The following CFAP57 variants were observed in gnomAD, a reference collection of about 807,000 sequenced individuals.
CFAP57 encodes cilia and flagella associated protein 57, also known as cilia- and flagella-associated protein 57.
CFAP57 carries 116 observed loss-of-function variants against 146.8 expected under a neutral mutation model. The ratio of observed to expected loss-of-function variants is 0.79; its 90% CI spans 0.68 to 0.92. CFAP57 has a LOEUF of 0.92. CFAP57 is among the 40% of genes least tolerant of loss of function. CFAP57 has a pLI of 0.00. For synonymous variants in CFAP57, 518 were observed against 552.8 expected, an observed-to-expected ratio of 0.94 and a Z score of 0.88; for missense variants, 1,377 against 1,527.2, an observed-to-expected ratio of 0.90 and a Z score of 1.64.
chr1:43,228,481 C>G (rs1645343052), intron 18 of CFAP57, among the ~76,000 whole-genome samples: 1 of 129,808 alleles, frequency 7.7e-6, no homozygotes, highest in Non-Finnish European at 1.6e-5. Flanking sequence ...GATGACCCAA[C>G]TAGAAGTGCC....
intron 17 of CFAP57, 23 bp from the exon 18 acceptor site, chr1:43,226,960 C>T (rs1241296791): frequency 1.3e-6 from 2 of 1,482,164 alleles, no homozygotes; most frequent in Non-Finnish European, 1.8e-6. Context: ...ATATCTCTCA[C>T]TTCTCTCTCA....
chr1:43,215,517 A>G lies in CFAP57; in HGVS notation c.2091+101A>G, dbSNP rs140679165. ...GCCCTCTACAGCCTGGCTACACCCTATGCCCAGTGCAGACCCCCACGGCTC... is the reference window on the plus strand; with the variant it reads ...GCCCTCTACAGCCTGGCTACACCCTGTGCCCAGTGCAGACCCCCACGGCTC... On this transcript the variant is annotated intron_variant, in intron 12 of 22. Transcript: ENST00000372492. 1,655 of 1,393,200 alleles carry G rather than the reference A, an allele frequency of 1.2e-3. 7 individuals are homozygous for G. The African/African-American group carries it at 0.021, about 17-fold the overall frequency. The allele number at this position is 1,393,200 out of a possible 1,614,324, so 86.3% of individuals were successfully genotyped here.
At chr1:43,232,239 T>C (rs144855219) in intron 18 of CFAP57, 4 of 597,058 alleles carry the variant, frequency 6.7e-6, no homozygotes, top group Admixed American at 2.8e-5. Context: ...ATCAGCATGG[T>C]TGAAGGAAAG....
In CFAP57 at chr1:43,232,568, G is replaced by A. The variant is rs1360925259; in HGVS notation, c.3070G>A (p.Glu1024Lys). 11 of 1,549,676 alleles carry A rather than the reference G, an allele frequency of 7.1e-6. No individual in the cohort carries two copies. In the Middle Eastern group the frequency reaches 5.0e-4, roughly 70 times the overall value. Residue 1024 changes from glutamate to lysine, a missense_variant, in exon 19 of 23, where the codon GAA becomes AAA. Physicochemically the swap from Glu to Lys is moderately conservative, Grantham distance 56. Transcript: ENST00000372492. The stretch of plus-strand genomic sequence containing the variant: ...CACTCAACTGGAGCTGAACATCACA[G>A]AATTGTGGCAGAAACTGAGAGCCAC... The part of the protein sequence containing the change: ...QNTQLELNIT[E>K]LWQKLRATDQ...
intron 9 of CFAP57, among the ~76,000 whole-genome samples, chr1:43,200,955 G>A (rs1292116596): frequency 3.3e-5 from 5 of 152,314 alleles, no homozygotes; most frequent in African/African-American, 9.6e-5. Flanking sequence ...GTGATGGAGA[G>A]CAGTTAGGAT....
At position 43,243,336 on chromosome 1, in the gene CFAP57, G is replaced by T; in HGVS notation, c.3515G>T (p.Arg1172Leu). ...GCTCTGAAACTGACCAAGAAAGTCC[G>T]ACCACAAGAAGTTTCAGAGACAGGT... ...EAALKLTKKV[R>L]PQEVSETEPS... The change falls in exon 22 of 23, where the codon CGA (arginine) becomes CTA (leucine). Residue 1172 changes from arginine (R) to leucine (L), a missense_variant. Physicochemically the swap from Arg to Leu is moderately radical, Grantham distance 102. Transcript: ENST00000372492. The T allele has an allele frequency of 6.5e-7, 1 of 1,537,860 alleles. No homozygotes were observed. The highest frequency in any genetic ancestry group is 8.8e-7 in the Non-Finnish European group (1 of 1,139,556).
chr1:43,182,742 C>G (rs1254399680), intron 3 of CFAP57, among the ~76,000 whole-genome samples: 4 of 152,186 alleles, frequency 2.6e-5, no homozygotes, highest in Non-Finnish European at 5.9e-5. Context: ...CCTGCTCTGA[C>G]TAGTAGATTC....
At chr1:43,248,630 T>G (rs545604669) in intron 22 of CFAP57, among the ~76,000 whole-genome samples, 1 of 152,150 alleles carries the variant, frequency 6.6e-6, no homozygotes, top group African/African-American at 2.4e-5. Flanking sequence ...ATAAAAAAAT[T>G]TTCATGTCCA....
chr1:43,247,075 G>A (rs1261009238), intron 22 of CFAP57, among the ~76,000 whole-genome samples: 1 of 152,158 alleles, frequency 6.6e-6, no homozygotes, highest in Non-Finnish European at 1.5e-5. Flanking sequence ...CACTCAAACA[G>A]TTCCACTTTC....
chr1:43,234,609 C>T lies in CFAP57; in HGVS notation c.3376C>T (p.His1126Tyr). 6.4e-7 allele frequency: 1 copy of T among 1,550,434 alleles called. No individual in the cohort carries two copies. The highest frequency in any genetic ancestry group is 8.7e-7 in the Non-Finnish European group (1 of 1,146,912). The change falls in exon 21 of 23, where the codon CAC becomes TAC. Residue 1126 changes from histidine (H) to tyrosine (Y), a missense_variant. By Grantham distance (83) the His-to-Tyr change is moderately conservative (BLOSUM62 2). Transcript: ENST00000372492. ...KKKVVKEGEL[H>Y]RTDYVRIMQE... ...GAAGGTGGTCAAGGAGGGCGAGCTG[C>T]ACCGCACAGACTACGTCCGCATCAT...
At chr1:43,210,394 T>C (rs910536174) in intron 11 of CFAP57, 15 of 1,229,664 alleles carry the variant, frequency 1.2e-5, no homozygotes, top group Non-Finnish European at 1.5e-5. Flanking sequence ...GTAGTATCTA[T>C]GTTCAACAGT....
At chr1:43,227,326 G>A (rs758360063) in intron 18 of CFAP57, among the ~76,000 whole-genome samples, 200 bp downstream of exon 18, 7 of 152,212 alleles carry the variant, frequency 4.6e-5, no homozygotes, top group African/African-American at 1.4e-4. Flanking sequence ...AAAGCAAATC[G>A]CTTGGGAGTT....
intron 18 of CFAP57, among the ~76,000 whole-genome samples, chr1:43,230,127 G>A (rs1284596430): frequency 6.6e-6 from 1 of 152,084 alleles, no homozygotes; most frequent in Non-Finnish European, 1.5e-5. Flanking sequence ...CTTTGCCTGG[G>A]GGAAAAAATG....
At chr1:43,234,235 C>T (rs3795725) in intron 19 of CFAP57, 44 bp from the exon 20 acceptor site, 21 of 1,488,166 alleles carry the variant, frequency 1.4e-5, no homozygotes, top group African/African-American at 8.5e-5. Flanking sequence ...GCCCCTCCAC[C>T]GAGAGCACCC....
rs751106175 is a variant in CFAP57 at position 43,183,598 on chromosome 1, T to C, written c.482T>C (p.Phe161Ser). ...TTCTCTCACATTTTACAGGTGAGCT[T>C]CAGTCCACAGGATAACACTCAGGTG... ...TQNNPVYQVS[F>S]SPQDNTQVCV... Residue 161 changes from phenylalanine to serine, a missense_variant, in exon 4 of 23, where the codon TTC becomes TCC. By Grantham distance (155) the Phe-to-Ser change is radical. Coordinates refer to ENST00000372492, the MANE Select transcript of CFAP57 (RefSeq NM_001378189.1). 1 of 1,614,176 alleles carries C rather than the reference T, an allele frequency of 6.2e-7. No individual in the cohort carries two copies. The highest frequency in any genetic ancestry group is 8.5e-7 in the Non-Finnish European group (1 of 1,179,998).
rs925863449 is a variant in CFAP57, at chr1:43,215,370, G to A, written c.2045G>A (p.Gly682Asp). The A allele has an allele frequency of 6.4e-7, 1 of 1,551,068 alleles. No individual in the cohort carries two copies. Among genetic ancestry groups the A allele is most frequent in the Non-Finnish European group, 8.7e-7 (1 of 1,147,094 alleles). Residue 682 changes from glycine to aspartate, a missense_variant, in exon 12 of 23, where the codon GGC becomes GAC. By Grantham distance (94) the Gly-to-Asp change is moderately conservative (BLOSUM62 -1). Coordinates refer to ENST00000372492, the MANE Select transcript of CFAP57 (RefSeq NM_001378189.1). ...GRGIKREREV[G>D]FAEEVLVTKT... The stretch of plus-strand genomic sequence containing the variant: ...GGAATCAAGCGAGAGAGGGAGGTGG[G>A]CTTTGCCGAAGAGGTGCTTGTGACT...
chr1:43,227,210 G>C, intron 18 of CFAP57, 84 bp downstream of exon 18: 1 of 1,370,682 alleles, frequency 7.3e-7, no homozygotes. Flanking sequence ...AGGGACTGAG[G>C]AGAAGCTCTT....
At position 43,234,383 on chromosome 1, in the gene CFAP57, CTT is replaced by C. The variant is rs1316681407; in HGVS notation, c.3233_3234del (p.Phe1078Ter). 6.5e-7 allele frequency: 1 copy of C among 1,550,342 alleles called. No individual in the cohort carries two copies. The highest frequency in any genetic ancestry group is 2.0e-5 in the Admixed American group (1 of 50,978). On this transcript the variant is annotated frameshift_variant, in exon 20 of 23. Transcript: ENST00000372492. LOFTEE classifies it high-confidence loss of function. ...TGCTGAAGGAGAAGGTTCGAGGTCT[CTT>C]TGAGAAGTACGTGCAGCGAGCAGAC... is the stretch of plus-strand genomic sequence containing the variant. ...RLLKEKVRGL[F>X]EKYVQRADMV... is the part of the protein sequence containing the mutation.
chr1:43,218,833 A>G (rs553741337), intron 12 of CFAP57, among the ~76,000 whole-genome samples: 1 of 152,324 alleles, frequency 6.6e-6, no homozygotes, highest in East Asian at 1.9e-4. Context: ...GGGGACAGCC[A>G]TCATGCTTCA....
Sources: gnomAD v4.1 joint callset for allele counts (sites outside exome capture counted in the v4.1 genomes callset) on GRCh38, gnomAD v4.1.1 for gene constraint, MANE v1.5 for transcripts, NCBI Gene and HGNC (gene_info 2026-07-23, HGNC 2026-07-21) for gene names.